SND1: variants seen among roughly 807,000 people sequenced by gnomAD.
The protein encoded by SND1 is staphylococcal nuclease and tudor domain containing 1.
In SND1, 38 loss-of-function variants were observed where a neutral mutation model predicts 121.7. That is an observed-to-expected ratio of 0.31 (90% CI 0.24 to 0.41). The LOEUF (loss-of-function observed/expected upper bound fraction) is 0.41. Ranked by LOEUF, SND1 falls within the 10% of genes least tolerant of loss-of-function variation. The pLI is 1.00. For synonymous variants in SND1, 401 were observed against 447.4 expected (o/e 0.90, Z 1.31); for missense variants, 868 against 1,184.6 (o/e 0.73, Z 3.92).
At chr7:128,050,412 T>C (rs1469122766) in intron 16 of SND1, among the ~76,000 whole-genome samples, 1 of 152,216 alleles carries the variant, frequency 6.6e-6, no homozygotes, top group Non-Finnish European at 1.5e-5. Flanking sequence ...CTCACAGCAT[T>C]GAGTCTGATA....
At chr7:127,781,962 C>T (rs1412887127) in intron 10 of SND1, among the ~76,000 whole-genome samples, 2 of 152,192 alleles carry the variant, frequency 1.3e-5, no homozygotes, top group Non-Finnish European at 2.9e-5. Context: ...CTTAAGACAA[C>T]ATCCCATAAA....
At chr7:127,684,770 CTT>C (rs940926676) in intron 1 of SND1, among the ~76,000 whole-genome samples, 5 of 152,026 alleles carry the variant, frequency 3.3e-5, no homozygotes, top group African/African-American at 1.2e-4. Flanking sequence ...GGAAGACAGT[CTT>C]TTTGTGTGTG....
intron 9 of SND1, among the ~76,000 whole-genome samples, chr7:127,720,732 T>C (rs1478593525): frequency 1.3e-5 from 2 of 152,210 alleles, no homozygotes; most frequent in Admixed American, 6.5e-5. Context: ...ATCTCAGTAA[T>C]TTCATGTTTC....
In SND1 at chr7:128,030,519, G is replaced by A. The variant is rs568669920; in HGVS notation, c.1779+39463G>A. 8.1e-6 allele frequency: 13 copies of A among 1,613,102 alleles called. No individual in the cohort carries two copies. The Middle Eastern group carries it at 4.9e-4, about 61-fold the overall frequency. ...GACGGAGGGGCAGTTCTGGGGCCCG[G>A]CTGAGGCGGCAGCAGCGATGGCTGC... On this transcript the variant is annotated intron_variant, in intron 16 of 23. Coordinates refer to ENST00000354725, the MANE Select transcript of SND1 (RefSeq NM_014390.4).
chr7:127,804,649 T>C (rs1798198689), intron 10 of SND1, among the ~76,000 whole-genome samples: 1 of 151,968 alleles, frequency 6.6e-6, no homozygotes, highest in South Asian at 2.1e-4. Flanking sequence ...TGCATGCTTA[T>C]AGTCCTAGCT....
At chr7:127,982,812 A>G (rs555254343) in intron 15 of SND1, among the ~76,000 whole-genome samples, 1 of 152,322 alleles carries the variant, frequency 6.6e-6, no homozygotes, top group Non-Finnish European at 1.5e-5. Context: ...AATTCTTTCT[A>G]CTTTAAAGCT....
chr7:127,970,482 A>T (rs528437885), intron 15 of SND1, among the ~76,000 whole-genome samples: 16 of 152,276 alleles, frequency 1.1e-4, no homozygotes, highest in Admixed American at 2.6e-4. Context: ...ATACATGAAG[A>T]TGTCTTTGCT....
chr7:127,834,481 G>A (rs1454715753), intron 11 of SND1, among the ~76,000 whole-genome samples: 6 of 152,126 alleles, frequency 3.9e-5, no homozygotes, highest in South Asian at 2.1e-4. Flanking sequence ...GAAGGGAGAC[G>A]CAGATACAAT....
At chr7:127,903,230 G>A (rs756547683) in intron 13 of SND1, among the ~76,000 whole-genome samples, 12 of 151,842 alleles carry the variant, frequency 7.9e-5, no homozygotes, top group Non-Finnish European at 1.8e-4. Flanking sequence ...TCGCATATTG[G>A]CCAGACTGGT....
intron 11 of SND1, among the ~76,000 whole-genome samples, chr7:127,828,029 C>T (rs887301333): frequency 1.3e-5 from 2 of 151,994 alleles, no homozygotes; most frequent in South Asian, 2.1e-4. Flanking sequence ...GAGGCAGTCT[C>T]GCTGTTGCCC....
In SND1 at chr7:128,063,569, G is replaced by A. The variant is rs529185686; in HGVS notation, c.1780-10933G>A. Among the ~76,000 whole-genome samples the A allele has an allele frequency of 2.0e-5, 3 of 152,290 alleles. No homozygotes were observed. The East Asian group carries it at 5.8e-4, about 29-fold the overall frequency. On this transcript the variant is annotated intron_variant, in intron 16 of 23. Transcript: ENST00000354725. ...TGTCCAGGGACTTTCCTTCTCCCAC[G>A]TCACTGCTGGCGATCTGGAGAAGCT...
Position 127,686,679 on chromosome 7 carries a change from A to G in SND1, c.145A>G (p.Ile49Val). Residue 49 changes from isoleucine (I) to valine (V), a missense_variant, in exon 2 of 24, where the codon ATC (isoleucine) becomes GTC (valine). By Grantham distance (29) the Ile-to-Val change is conservative. This residue lies in a region of SND1 where 125 missense variants were observed against 113.3 expected (regional missense o/e 1.10). Transcript: ENST00000354725. ...TGGTGGGCCTCCTCCTGAGCGGCAG[A>G]TCAACCTCAGCAACATTCGTGCTGG... is the stretch of plus-strand genomic sequence containing the variant. ...PRGGPPPERQ[I>V]NLSNIRAGNL... is the part of the protein sequence containing the mutation. 6.2e-7 allele frequency: 1 copy of G among 1,614,148 alleles called. No individual in the cohort carries two copies. Among genetic ancestry groups the G allele is most frequent in the African/African-American group, 1.3e-5 (1 of 75,036 alleles).
chr7:127,783,421 T>C (rs1465195960), intron 10 of SND1, among the ~76,000 whole-genome samples: 1 of 152,228 alleles, frequency 6.6e-6, no homozygotes, highest in African/African-American at 2.4e-5. Context: ...CTTTTTCCCC[T>C]GATGAATATT....
At chr7:127,759,446 A>G (rs10249616) in intron 10 of SND1, among the ~76,000 whole-genome samples, 32,024 of 151,914 alleles carry the variant, frequency 0.21, 3,972 homozygotes, top group African/African-American at 0.35. Context: ...TGTCCTTTTG[A>G]TGTGTCCCCA....
chr7:128,045,575 A>G (rs943618452), intron 16 of SND1, among the ~76,000 whole-genome samples: 15 of 152,232 alleles, frequency 9.9e-5, no homozygotes, highest in African/African-American at 2.9e-4. Flanking sequence ...TAACTGTGGT[A>G]AAGACTCATG....
At chr7:128,073,638 T>G (rs944525931) in intron 16 of SND1, among the ~76,000 whole-genome samples, 3 of 152,158 alleles carry the variant, frequency 2.0e-5, no homozygotes, top group African/African-American at 7.2e-5. Flanking sequence ...TAATACAAGT[T>G]TTTACATTTG....
intron 10 of SND1, among the ~76,000 whole-genome samples, chr7:127,748,981 A>G (rs1797030356): frequency 6.6e-6 from 1 of 152,048 alleles, no homozygotes; most frequent in Non-Finnish European, 1.5e-5. Context: ...CCATGAAGTC[A>G]GAATTATCTG....
intron 16 of SND1, among the ~76,000 whole-genome samples, chr7:128,022,313 C>T: frequency 6.6e-6 from 1 of 151,308 alleles, no homozygotes; most frequent in Non-Finnish European, 1.5e-5. Flanking sequence ...AGTAATTACT[C>T]TAGTAATGTT....
At chr7:127,922,181 T>TTTTTG (rs1563058942) in intron 14 of SND1, among the ~76,000 whole-genome samples, 16 of 76,868 alleles carry the variant, frequency 2.1e-4, no homozygotes, top group Non-Finnish European at 3.9e-4. Context: ...TTTCCTTTTT[T>TTTTTG]TTTTTTTTTT....
Sources: allele counts gnomAD v4.1 joint callset (sites outside exome capture counted in the v4.1 genomes callset), GRCh38; gene constraint gnomAD v4.1.1; regional missense constraint gnomAD v4.1.1; transcripts MANE v1.5; gene names NCBI Gene and HGNC (gene_info 2026-07-23, HGNC 2026-07-21).